Variants in KCNQ1OT1 observed in about 807,000 individuals in gnomAD.
The protein encoded by KCNQ1OT1 is KCNQ1 antisense RNA 2 (non-protein coding).
At chr11:2,694,986 G>A in exon 1 of KCNQ1OT1, 1 of 398,714 alleles carries the variant, frequency 2.5e-6, no homozygotes. Context: ...AAGAAGGCTG[G>A]CAGAGCCAAA....
At position 2,611,794 on chromosome 11, in the gene KCNQ1OT1, C is replaced by G. The variant is rs1848983024; in HGVS notation, n.88201G>C. ...TCATATCACTTTTGTTCCTCTCTTC[C>G]TCCTTTACTGCCTTCTGCAGGTTGA... On this transcript the variant is annotated non_coding_transcript_exon_variant, in exon 1 of 1. Coordinates refer to ENST00000597346, the Ensembl canonical transcript of KCNQ1OT1. The surrounding 1 kb of genome is among the most constrained non-coding windows in gnomAD (Gnocchi z 5.3). 1 of 398,226 alleles carries G rather than the reference C, an allele frequency of 2.5e-6. No homozygotes were observed. The highest frequency in any genetic ancestry group is 2.1e-5 in the African/African-American group (1 of 48,562). 24.7% of individuals were successfully genotyped at this position (398,226 alleles called of 1,614,324 possible). A position where few individuals can be genotyped will look rare whatever the true frequency, so the allele number is the denominator to read the frequency against.
chr11:2,689,543 AG>A (rs1850555065), exon 1 of KCNQ1OT1: 2 of 398,694 alleles, frequency 5.0e-6, no homozygotes, highest in Non-Finnish European at 4.4e-6. Flanking sequence ...AAGCTTGCAC[AG>A]GAAGAACAGA....
rs74046870 is a variant in KCNQ1OT1 at position 2,685,184 on chromosome 11, C to T, written n.14811G>A. The stretch of plus-strand genomic sequence containing the variant: ...GAGGATCCCCATCTGCATGGAATGC[C>T]CCCTTCGTGGGGATGGCTGGCACAG... On this transcript the variant is annotated non_coding_transcript_exon_variant, in exon 1 of 1. Coordinates refer to ENST00000597346, the Ensembl canonical transcript of KCNQ1OT1. 4.3e-3 allele frequency: 1,722 copies of T among 398,622 alleles called. 24 individuals carry two copies. Among genetic ancestry groups the T allele is most frequent in the African/African-American group, 0.032 (1,576 of 48,734 alleles). 24.7% of individuals were successfully genotyped at this position (398,622 alleles called of 1,614,324 possible).
At chr11:2,614,498 A>T (rs942352488) in exon 1 of KCNQ1OT1, 2 of 398,328 alleles carry the variant, frequency 5.0e-6, no homozygotes, top group African/African-American at 4.1e-5. Flanking sequence ...TTCTACTAAG[A>T]AATTTATGCC....
Position 2,671,163 on chromosome 11 carries a change from A to C in KCNQ1OT1, n.28832T>G, listed in dbSNP as rs1253080145. Reference sequence around the variant, plus strand: ...GGGAGGCCTGAGGTGCCATCTTAGAAATAGGGCCTTGTTAGGAGAAAAGGA... The same window carrying C: ...GGGAGGCCTGAGGTGCCATCTTAGACATAGGGCCTTGTTAGGAGAAAAGGA... On this transcript the variant is annotated non_coding_transcript_exon_variant, in exon 1 of 1. Coordinates refer to ENST00000597346, the Ensembl canonical transcript of KCNQ1OT1. The surrounding 1 kb of genome is among the most constrained non-coding windows in gnomAD (Gnocchi z 4.7). The C allele has an allele frequency of 2.5e-6, 1 of 398,528 alleles. No homozygotes were observed. Among genetic ancestry groups the C allele is most frequent in the Non-Finnish European group, 4.4e-6 (1 of 226,098 alleles). 24.7% of individuals were successfully genotyped at this position (398,528 alleles called of 1,614,324 possible).
At chr11:2,628,467 A>C (rs10766236) in exon 1 of KCNQ1OT1, 355,439 of 398,310 alleles carry the variant, frequency 0.89, 158,734 homozygotes, top group East Asian at 0.91. Context: ...TCCCTTGTCC[A>C]TCTTAACAGG....
chr11:2,696,154 G>C, exon 1 of KCNQ1OT1: 1 of 398,622 alleles, frequency 2.5e-6, no homozygotes. Flanking sequence ...CTTGAGGTTT[G>C]TGCTTTCTGG....
In KCNQ1OT1 at chr11:2,623,033, G is replaced by A. The variant is rs1457715365; in HGVS notation, n.76962C>T. On this transcript the variant is annotated non_coding_transcript_exon_variant, in exon 1 of 1. Coordinates refer to ENST00000597346, the Ensembl canonical transcript of KCNQ1OT1. This position sits in a 1 kb window ranked among gnomAD's most constrained non-coding sequence, Gnocchi z 5.2. ...TGTAATCCCCATGTGTCAGGGGAGGGGCCTGGTGGGGGGCAAACTTCCCCC... is the reference window on the plus strand; with the variant it reads ...TGTAATCCCCATGTGTCAGGGGAGGAGCCTGGTGGGGGGCAAACTTCCCCC... 2.5e-6 allele frequency: 1 copy of A among 398,430 alleles called. No individual in the cohort carries two copies. The highest frequency in any genetic ancestry group is 2.1e-5 in the African/African-American group (1 of 48,592). 24.7% of individuals were successfully genotyped at this position (398,430 alleles called of 1,614,324 possible). A position where few individuals can be genotyped will look rare whatever the true frequency, so the allele number is the denominator to read the frequency against.
In KCNQ1OT1 at chr11:2,613,916, T is replaced by C. The variant is rs1849019389; in HGVS notation, n.86079A>G. 5.0e-6 allele frequency: 2 copies of C among 398,580 alleles called. No homozygotes were observed. The highest frequency in any genetic ancestry group is 7.1e-5 in the East Asian group (2 of 28,070). The allele number at this position is 398,580 out of a possible 1,614,324, so 24.7% of individuals were successfully genotyped here. A position where few individuals can be genotyped will look rare whatever the true frequency, so the allele number is the denominator to read the frequency against. On this transcript the variant is annotated non_coding_transcript_exon_variant, in exon 1 of 1. Transcript: ENST00000597346. The surrounding 1 kb of genome is among the most constrained non-coding windows in gnomAD (Gnocchi z 4.8). Reference sequence around the variant, plus strand: ...CATTTCCCAAAAAAGTACTATTCTGTATATGCCCTTTTGAACTTTGCTTTT... The same window carrying C: ...CATTTCCCAAAAAAGTACTATTCTGCATATGCCCTTTTGAACTTTGCTTTT...
Position 2,678,349 on chromosome 11 carries a change from C to T in KCNQ1OT1, n.21646G>A, listed in dbSNP as rs533367377. 16 of 398,448 alleles carry T rather than the reference C, an allele frequency of 4.0e-5. No homozygotes were observed. The highest frequency in any genetic ancestry group is 8.2e-5 in the African/African-American group (4 of 48,724). 24.7% of individuals were successfully genotyped at this position (398,448 alleles called of 1,614,324 possible). Reference sequence around the variant, plus strand: ...TTTTACATTTAAATCCTTGCTTTATCGGGATTTTGACAGAGTAATTAAATC... The same window carrying T: ...TTTTACATTTAAATCCTTGCTTTATTGGGATTTTGACAGAGTAATTAAATC... On this transcript the variant is annotated non_coding_transcript_exon_variant, in exon 1 of 1. Transcript: ENST00000597346. The surrounding 1 kb of genome is among the most constrained non-coding windows in gnomAD (Gnocchi z 4.9).
Position 2,611,990 on chromosome 11 carries a change from A to G in KCNQ1OT1, n.88005T>C, listed in dbSNP as rs558878954. 9.8e-5 allele frequency: 39 copies of G among 398,638 alleles called. No individual in the cohort carries two copies. The highest frequency in any genetic ancestry group is 7.0e-4 in the African/African-American group (34 of 48,758). 24.7% of individuals were successfully genotyped at this position (398,638 alleles called of 1,614,324 possible). On this transcript the variant is annotated non_coding_transcript_exon_variant, in exon 1 of 1. Coordinates refer to ENST00000597346, the Ensembl canonical transcript of KCNQ1OT1. The surrounding 1 kb of genome is among the most constrained non-coding windows in gnomAD (Gnocchi z 5.3). ...CTATTCTCTCCTTCTCAGTACTCTT[A>G]TTAACACATATGTTGTTACTCCTTA... is the stretch of plus-strand genomic sequence containing the variant.
chr11:2,696,457 G>T, exon 1 of KCNQ1OT1: 1 of 398,618 alleles, frequency 2.5e-6, no homozygotes, highest in Non-Finnish European at 4.4e-6. Flanking sequence ...TCACCACACC[G>T]CTCTGATTGC....
exon 1 of KCNQ1OT1, chr11:2,650,690 A>G (rs964440813): frequency 2.5e-6 from 1 of 398,604 alleles, no homozygotes; most frequent in Non-Finnish European, 4.4e-6. Context: ...CTGATTCTGT[A>G]TGCAGTTTTG....
rs534559378 is a variant in KCNQ1OT1, at chr11:2,671,020, G to A, written n.28975C>T. 655 of 398,644 alleles carry A rather than the reference G, an allele frequency of 1.6e-3. 2 individuals are homozygous for A. Among genetic ancestry groups the A allele is most frequent in the Non-Finnish European group, 2.2e-3 (503 of 226,078 alleles). 24.7% of individuals were successfully genotyped at this position (398,644 alleles called of 1,614,324 possible). A position where few individuals can be genotyped will look rare whatever the true frequency, so the allele number is the denominator to read the frequency against. On this transcript the variant is annotated non_coding_transcript_exon_variant, in exon 1 of 1. Transcript: ENST00000597346. The surrounding 1 kb of genome is among the most constrained non-coding windows in gnomAD (Gnocchi z 4.7). Reference sequence around the variant, plus strand: ...ATATGTGGGCCCTGTTAGGGACAACGTAGGTGTCCTGGGCAGGGGCTGTAT... The same window carrying A: ...ATATGTGGGCCCTGTTAGGGACAACATAGGTGTCCTGGGCAGGGGCTGTAT...
chr11:2,641,127 A>C (rs1849569758), exon 1 of KCNQ1OT1: 1 of 398,500 alleles, frequency 2.5e-6, no homozygotes, highest in Non-Finnish European at 4.4e-6. Flanking sequence ...TGCAATAAAC[A>C]CGGGGATGCA....
rs1849602232 is a variant in KCNQ1OT1 at position 2,642,886 on chromosome 11, AT to A, written n.57108del. ...CTTCTATTTTCACTTGTTTCAGTAA[AT>A]TTTTTATTTCTGCCTTAATTTCTTC... On this transcript the variant is annotated non_coding_transcript_exon_variant, in exon 1 of 1. Coordinates refer to ENST00000597346, the Ensembl canonical transcript of KCNQ1OT1. This position sits in a 1 kb window ranked among gnomAD's most constrained non-coding sequence, Gnocchi z 4.3. 3 of 397,770 alleles carry A rather than the reference AT, an allele frequency of 7.5e-6. No homozygotes were observed. Among genetic ancestry groups the A allele is most frequent in the Non-Finnish European group, 1.3e-5 (3 of 225,650 alleles). The allele number at this position is 397,770 out of a possible 1,614,324, so 24.6% of individuals were successfully genotyped here. A position where few individuals can be genotyped will look rare whatever the true frequency, so the allele number is the denominator to read the frequency against.
Position 2,676,227 on chromosome 11 carries a change from T to C in KCNQ1OT1, n.23768A>G, listed in dbSNP as rs545800943. On this transcript the variant is annotated non_coding_transcript_exon_variant, in exon 1 of 1. Transcript: ENST00000597346. The surrounding 1 kb of genome is among the most constrained non-coding windows in gnomAD (Gnocchi z 4.2). ...TTTTGAGCTGTACATACAATGCTGA[T>C]TTATTATGGTGCAGTACATCTGAGA... 1 of 398,670 alleles carries C rather than the reference T, an allele frequency of 2.5e-6. No homozygotes were observed. The highest frequency in any genetic ancestry group is 4.4e-5 in the Admixed American group (1 of 22,746). The allele number at this position is 398,670 out of a possible 1,614,324, so 24.7% of individuals were successfully genotyped here.
rs969599940 is a variant in KCNQ1OT1, at chr11:2,647,761, G to C, written n.52234C>G. The stretch of plus-strand genomic sequence containing the variant: ...CCAGGAATTTATCTCTTTCCTCTAG[G>C]TTTTCTAATTGTTGACATATAGTTG... On this transcript the variant is annotated non_coding_transcript_exon_variant, in exon 1 of 1. Coordinates refer to ENST00000597346, the Ensembl canonical transcript of KCNQ1OT1. This position sits in a 1 kb window ranked among gnomAD's most constrained non-coding sequence, Gnocchi z 4.0. The C allele has an allele frequency of 2.5e-6, 1 of 398,100 alleles. No homozygotes were observed. The highest frequency in any genetic ancestry group is 4.4e-6 in the Non-Finnish European group (1 of 226,016). The allele number at this position is 398,100 out of a possible 1,614,324, so 24.7% of individuals were successfully genotyped here.
At position 2,623,154 on chromosome 11, in the gene KCNQ1OT1, A is replaced by G; in HGVS notation, n.76841T>C. 7.5e-6 allele frequency: 3 copies of G among 398,628 alleles called. No homozygotes were observed. The highest frequency in any genetic ancestry group is 1.3e-5 in the Non-Finnish European group (3 of 226,158). 24.7% of individuals were successfully genotyped at this position (398,628 alleles called of 1,614,324 possible). On this transcript the variant is annotated non_coding_transcript_exon_variant, in exon 1 of 1. Coordinates refer to ENST00000597346, the Ensembl canonical transcript of KCNQ1OT1. The surrounding 1 kb of genome is among the most constrained non-coding windows in gnomAD (Gnocchi z 5.2). ...CTTTCTTTCCCTCTCCTGTTCTGCCATGGTAAAGATGTGCCTGCTTCTCCT... is the reference window on the plus strand; with the variant it reads ...CTTTCTTTCCCTCTCCTGTTCTGCCGTGGTAAAGATGTGCCTGCTTCTCCT...
Sources: gnomAD v4.1 joint callset for allele counts on GRCh38, gnomAD v4.1.1 for gene constraint, Gnocchi (gnomAD v3.1) non-coding constraint, MANE v1.5 for transcripts, NCBI Gene and HGNC (gene_info 2026-07-23, HGNC 2026-07-21) for gene names.